The following KAZN variants were observed in gnomAD, a reference collection of about 807,000 sequenced individuals.
The protein encoded by KAZN is kazrin, periplakin interacting protein.
A neutral mutation model predicts 87.4 loss-of-function variants in KAZN; 40 were observed. The ratio of observed to expected loss-of-function variants is 0.46; its 90% CI spans 0.36 to 0.60. The LOEUF (loss-of-function observed/expected upper bound fraction) is 0.60, where lower values mean the gene tolerates loss of function less well. Ranked by LOEUF, KAZN falls within the 20% of genes least tolerant of loss-of-function variation. The pLI is 0.00. For synonymous variants in KAZN, 466 were observed against 458.3 expected, an observed-to-expected ratio of 1.02 and a Z score of -0.22; for missense variants, 898 against 1,073.9, an observed-to-expected ratio of 0.84 and a Z score of 2.29.
intron 1 of KAZN, among the ~76,000 whole-genome samples, chr1:14,709,630 G>A (rs1217683443): frequency 6.6e-6 from 1 of 152,136 alleles, no homozygotes; most frequent in East Asian, 1.9e-4. Flanking sequence ...TCTTCCTTCA[G>A]CAAGTTGGTC....
At chr1:14,796,369 C>T (rs1184185838) in intron 1 of KAZN, among the ~76,000 whole-genome samples, 6 of 152,172 alleles carry the variant, frequency 3.9e-5, no homozygotes, top group African/African-American at 9.7e-5. Flanking sequence ...GTGTCATGTC[C>T]CCATCCTGCA....
At chr1:14,485,661 G>A (rs1043346463) in intron 2 of KAZN, among the ~76,000 whole-genome samples, 1 of 152,134 alleles carries the variant, frequency 6.6e-6, no homozygotes, top group Non-Finnish European at 1.5e-5. Context: ...TCGGGAGGCT[G>A]AGGCGGGTGG....
Position 14,068,039 on chromosome 1 carries a change from G to T in KAZN, c.92-112396G>T, listed in dbSNP as rs565514161. Among the ~76,000 whole-genome samples, 9 of 152,284 alleles carry T rather than the reference G, an allele frequency of 5.9e-5. No individual in the cohort carries two copies. In the South Asian group the frequency reaches 1.9e-3, roughly 32 times the overall value. The stretch of plus-strand genomic sequence containing the variant: ...AGCCGGAATACTTTGGCCAAGCCTG[G>T]ATGGCATGCCAACTCCTGGATTTAG... On this transcript the variant is annotated intron_variant, in intron 1 of 16. Transcript: ENST00000636203.
chr1:15,019,733 C>G (rs929225450), intron 2 of KAZN, among the ~76,000 whole-genome samples: 23 of 152,308 alleles, frequency 1.5e-4, no homozygotes, highest in African/African-American at 5.5e-4. Context: ...CATTACCTCT[C>G]AGGATTGCTT....
intron 2 of KAZN, among the ~76,000 whole-genome samples, chr1:14,328,470 G>A (rs145713162): frequency 5.9e-5 from 9 of 152,130 alleles, no homozygotes; most frequent in African/African-American, 1.9e-4. Flanking sequence ...TTGGGAGCCC[G>A]AGGCAGGCAG....
At chr1:14,865,567 C>T (rs1002312656) in intron 1 of KAZN, among the ~76,000 whole-genome samples, 1 of 152,132 alleles carries the variant, frequency 6.6e-6, no homozygotes. Flanking sequence ...GGACCCCCTC[C>T]ACCAAAAGCC....
intron 1 of KAZN, among the ~76,000 whole-genome samples, chr1:14,021,390 A>G (rs151235196): frequency 1.3e-5 from 2 of 152,346 alleles, no homozygotes; most frequent in East Asian, 3.9e-4. Context: ...TAGGATCAGT[A>G]TCTGCATTTT....
In KAZN at chr1:14,015,117, T is replaced by G. The variant is rs146814979; in HGVS notation, c.91+121361T>G. Among the ~76,000 whole-genome samples the G allele has an allele frequency of 5.4e-3, 819 of 152,340 alleles. 5 individuals carry two copies. Among genetic ancestry groups the G allele is most frequent in the African/African-American group, 0.019 (776 of 41,576 alleles). ...TTTCTTGATTTGGACAAAATCCACA[T>G]TTTAACACAGATGATATAAAAACCA... is the stretch of plus-strand genomic sequence containing the variant. On this transcript the variant is annotated intron_variant, in intron 1 of 16. Coordinates refer to the KAZN transcript ENST00000636203.
rs1283022479 is a variant in KAZN, at chr1:15,030,260, G to T, written c.419-4489G>T. On this transcript the variant is annotated intron_variant, in intron 2 of 14. Transcript: ENST00000376030. ...CGGGATGCATCTTTATTTTTATTTT[G>T]ATTTTTATGTATTACTTTATTTTTT... Among the ~76,000 whole-genome samples, 6 of 152,184 alleles carry T rather than the reference G, an allele frequency of 3.9e-5. No homozygotes were observed. The South Asian group carries it at 1.0e-3, about 26-fold the overall frequency.
chr1:14,386,087 T>C (rs1370651932), intron 2 of KAZN, among the ~76,000 whole-genome samples: 1 of 150,456 alleles, frequency 6.6e-6, no homozygotes, highest in Non-Finnish European at 1.5e-5. Flanking sequence ...TTGTCTCTTT[T>C]GATCTTTGTT....
At position 14,598,720 on chromosome 1, in the gene KAZN, G is replaced by C; in HGVS notation, c.-278G>C. 1 of 1,320,060 alleles carries C rather than the reference G, an allele frequency of 7.6e-7. No individual in the cohort carries two copies. 81.8% of individuals were successfully genotyped at this position (1,320,060 alleles called of 1,614,324 possible). A position where few individuals can be genotyped will look rare whatever the true frequency, so the allele number is the denominator to read the frequency against. On this transcript the variant is annotated 5_prime_UTR_variant, in exon 1 of 15. Transcript: ENST00000376030. This position sits in a 1 kb window ranked among gnomAD's most constrained non-coding sequence, Gnocchi z 4.2. The stretch of plus-strand genomic sequence containing the variant: ...CAGCTCTCGGCGCCCGCCCGCCGGG[G>C]TCTCGGCGATCGCTGCTCCTCCTCC...
intron 1 of KAZN, among the ~76,000 whole-genome samples, chr1:14,091,751 C>T (rs1016688121): frequency 2.0e-5 from 3 of 152,150 alleles, no homozygotes; most frequent in African/African-American, 4.8e-5. Flanking sequence ...TCATGTATAG[C>T]GTGCAAATTA....
intron 1 of KAZN, among the ~76,000 whole-genome samples, chr1:14,622,472 C>T (rs1307419872): frequency 2.6e-5 from 4 of 151,884 alleles, no homozygotes; most frequent in Non-Finnish European, 5.9e-5. Context: ...GGGCGGATCA[C>T]GAGGTCAGGA....
intron 2 of KAZN, among the ~76,000 whole-genome samples, chr1:15,015,221 C>T (rs796639434): frequency 2.6e-5 from 4 of 151,934 alleles, no homozygotes; most frequent in African/African-American, 9.7e-5. Flanking sequence ...GGCGCGATCT[C>T]GGCTCACTGC....
At chr1:14,143,962 C>G (rs543186754) in intron 1 of KAZN, among the ~76,000 whole-genome samples, 1 of 152,264 alleles carries the variant, frequency 6.6e-6, no homozygotes, top group South Asian at 2.1e-4. Flanking sequence ...AAGTGATCCT[C>G]CTGTCTCAGC....
At chr1:14,998,769 G>A (rs1178804981) in intron 2 of KAZN, among the ~76,000 whole-genome samples, 1 of 152,014 alleles carries the variant, frequency 6.6e-6, no homozygotes, top group Non-Finnish European at 1.5e-5. Context: ...GGCTGGTCTC[G>A]AACTCCTGAC....
chr1:14,764,384 A>ACCCCCCCCCCCCCCCCC (rs1408862725), intron 1 of KAZN, among the ~76,000 whole-genome samples: 2 of 105,154 alleles, frequency 1.9e-5, no homozygotes, highest in Non-Finnish European at 3.9e-5. Context: ...CCCCTCCCCC[A>ACCCCCCCCCCCCCCCCC]CACCCCCCCC....
At chr1:14,182,510 C>G (rs1646219216) in intron 2 of KAZN, among the ~76,000 whole-genome samples, 1 of 152,108 alleles carries the variant, frequency 6.6e-6, no homozygotes, top group Non-Finnish European at 1.5e-5. Context: ...GGTTATGATC[C>G]TCCGTTCCTT....
intron 1 of KAZN, among the ~76,000 whole-genome samples, chr1:14,666,843 C>T (rs1639587388): frequency 6.6e-6 from 1 of 152,144 alleles, no homozygotes; most frequent in South Asian, 2.1e-4. Context: ...GTTCAAGTGA[C>T]TCCTGCCTCA....
Sources: allele counts gnomAD v4.1 joint callset (sites outside exome capture counted in the v4.1 genomes callset), GRCh38; gene constraint gnomAD v4.1.1; non-coding constraint Gnocchi (gnomAD v3.1); transcripts MANE v1.5; gene names NCBI Gene and HGNC (gene_info 2026-07-23, HGNC 2026-07-21).